PWWP2A: variants seen among roughly 807,000 people sequenced by gnomAD.
The protein encoded by PWWP2A is PWWP domain-containing protein 2A.
Under a neutral mutation model 48.5 loss-of-function variants are expected in PWWP2A, and 18 were observed. The ratio of observed to expected loss-of-function variants is 0.37; its 90% confidence interval spans 0.26 to 0.55. The LOEUF (loss-of-function observed/expected upper bound fraction) is 0.55, where lower values mean the gene tolerates loss of function less well. Ranked by LOEUF, PWWP2A falls within the 20% of genes least tolerant of loss-of-function variation. PWWP2A has a pLI of 0.81. For synonymous variants in PWWP2A, 396 were observed against 387.7 expected, an observed-to-expected ratio of 1.02 and a Z score of -0.25; for missense variants, 867 against 976.4, an observed-to-expected ratio of 0.89 and a Z score of 1.49.
the PWWP2A span, chr5:160,049,443 G>T: frequency 7.5e-7 from 1 of 1,324,920 alleles, no homozygotes. Context: ...ATTGATGAAG[G>T]AATCTGATAT....
intron 3 of PWWP2A, chr5:160,080,644 G>T: frequency 6.5e-7 from 1 of 1,535,178 alleles, no homozygotes; most frequent in South Asian, 1.2e-5. Flanking sequence ...GCTTAAAACA[G>T]ACAGACCTGC....
At chr5:160,100,265 T>C (rs1756133422) in intron 1 of PWWP2A, among the ~76,000 whole-genome samples, 1 of 151,958 alleles carries the variant, frequency 6.6e-6, no homozygotes, top group Non-Finnish European at 1.5e-5. Context: ...ATCGCACCAC[T>C]GCACGCACTC....
At chr5:160,098,802 T>C (rs978376779) in intron 1 of PWWP2A, among the ~76,000 whole-genome samples, 9 of 152,174 alleles carry the variant, frequency 5.9e-5, no homozygotes, top group Admixed American at 5.9e-4. Context: ...ACCCCGTCTC[T>C]ACTAAAAATA....
At chr5:160,045,520 ACTCTCTCTCTCTCTCT>A in the PWWP2A span, among the ~76,000 whole-genome samples, 9 of 54,884 alleles carry the variant, frequency 1.6e-4, no homozygotes, top group African/African-American at 7.0e-4. Flanking sequence ...ACACATACAC[ACTCTCTCTCTCTCTCT>A]CTCTCTCTCT....
intron 1 of PWWP2A, among the ~76,000 whole-genome samples, chr5:160,097,715 G>T (rs1310596786): frequency 2.0e-5 from 3 of 146,524 alleles, no homozygotes; most frequent in Non-Finnish European, 4.5e-5. Flanking sequence ...TTGGGGGGGG[G>T]GGCGGTTGTT....
chr5:160,055,123 C>G, the PWWP2A span, among the ~76,000 whole-genome samples: 1 of 152,188 alleles, frequency 6.6e-6, no homozygotes, highest in Non-Finnish European at 1.5e-5. Context: ...GGTCTCCAAA[C>G]AAGCTTTGAT....
intron 2 of PWWP2A, among the ~76,000 whole-genome samples, chr5:160,084,794 T>G (rs372274722): frequency 1.3e-5 from 2 of 152,136 alleles, no homozygotes; most frequent in African/African-American, 4.8e-5. Flanking sequence ...TATATACTCC[T>G]AAGTATCCAT....
downstream of PWWP2A, among the ~76,000 whole-genome samples, chr5:160,060,559 T>C (rs1358414198): frequency 6.6e-6 from 1 of 152,182 alleles, no homozygotes; most frequent in African/African-American, 2.4e-5. Context: ...ACCTCATTGA[T>C]TACTGTCCAG....
Position 160,077,856 on chromosome 5 carries a change from G to C in PWWP2A, c.*299C>G, listed in dbSNP as rs1322133759. Reference sequence around the variant, plus strand: ...AACTTCACATTCCAAAGAAGTTACTGTCAGTGTTTCTTCATATATAAAATT... The same window carrying C: ...AACTTCACATTCCAAAGAAGTTACTCTCAGTGTTTCTTCATATATAAAATT... On this transcript the variant is annotated 3_prime_UTR_variant, in exon 4 of 4. Transcript: ENST00000456329. The surrounding 1 kb of genome is among the most constrained non-coding windows in gnomAD (Gnocchi z 4.2). The C allele has an allele frequency of 8.7e-6, 3 of 344,996 alleles. No individual in the cohort carries two copies. The highest frequency in any genetic ancestry group is 4.2e-5 in the Admixed American group (1 of 23,978). 21.4% of individuals were successfully genotyped at this position (344,996 alleles called of 1,614,324 possible).
chr5:160,104,220 T>C (rs965506057), intron 1 of PWWP2A, among the ~76,000 whole-genome samples: 2 of 148,562 alleles, frequency 1.3e-5, no homozygotes, highest in African/African-American at 5.0e-5. Context: ...CTTTAGGAGG[T>C]TGAGGCCAGG....
intron 1 of PWWP2A, chr5:160,118,059 A>T (rs1461253683): frequency 6.3e-6 from 1 of 159,486 alleles, no homozygotes; most frequent in Non-Finnish European, 1.3e-5. Flanking sequence ...GATGAACTCA[A>T]CCTTCTTGTC....
chr5:160,051,073 A>G, the PWWP2A span: 3 of 1,353,286 alleles, frequency 2.2e-6, no homozygotes, highest in South Asian at 2.6e-5. Flanking sequence ...AATAAAGGGA[A>G]AGGTTTTGGT....
At chr5:160,102,604 G>A (rs528518776) in intron 1 of PWWP2A, among the ~76,000 whole-genome samples, 1 of 151,656 alleles carries the variant, frequency 6.6e-6, no homozygotes, top group African/African-American at 2.4e-5. Context: ...AATATAGAGG[G>A]GAAAGTTTTA....
At chr5:160,107,786 AGGCCAGGAGTCCAAGAGCAGCGT>A (rs1357328719) in intron 1 of PWWP2A, among the ~76,000 whole-genome samples, 1 of 152,112 alleles carries the variant, frequency 6.6e-6, no homozygotes, top group Non-Finnish European at 1.5e-5. Flanking sequence ...TGGGAGGCCG[AGGCCAGGAGTCCAAGAGCAGCGT>A]GGCCAATATG....
At chr5:160,118,534 G>A (rs1363798380) in intron 1 of PWWP2A, among the ~76,000 whole-genome samples, 2 of 152,096 alleles carry the variant, frequency 1.3e-5, no homozygotes, top group Admixed American at 6.5e-5. Context: ...AGAAGACCAG[G>A]CGTGAGGGGT....
chr5:160,118,794 G>A lies in PWWP2A; in HGVS notation c.584+11C>T, dbSNP rs751026018. 7 of 1,439,704 alleles carry A rather than the reference G, an allele frequency of 4.9e-6. No individual in the cohort carries two copies. The highest frequency in any genetic ancestry group is 5.5e-5 in the Admixed American group (2 of 36,098). The allele number at this position is 1,439,704 out of a possible 1,614,324, so 89.2% of individuals were successfully genotyped here. A position where few individuals can be genotyped will look rare whatever the true frequency, so the allele number is the denominator to read the frequency against. ...CAGCGGACCGGAGGGTGCTGGGGGC[G>A]GGCGCGGTACCTTTTGGACAGATCC... On this transcript the variant is annotated intron_variant, in intron 1 of 1. Transcript: ENST00000307063.
chr5:160,104,456 A>G (rs1297309649), intron 1 of PWWP2A, among the ~76,000 whole-genome samples: 1 of 151,330 alleles, frequency 6.6e-6, no homozygotes, highest in Non-Finnish European at 1.5e-5. Context: ...ACAGAGAGAG[A>G]GGCTAGTGAA....
chr5:160,060,608 G>T (rs563802594), downstream of PWWP2A, among the ~76,000 whole-genome samples: 1 of 152,194 alleles, frequency 6.6e-6, no homozygotes, highest in Non-Finnish European at 1.5e-5. Context: ...GGAAAGTGTG[G>T]CAGATAGGCT....
chr5:160,101,349 CA>C (rs202098508), intron 1 of PWWP2A, among the ~76,000 whole-genome samples: 1 of 148,642 alleles, frequency 6.7e-6, no homozygotes, highest in African/African-American at 2.5e-5. Context: ...GACTCTGTCT[CA>C]AAAAAAAAGG....
Sources: gnomAD v4.1 joint callset for allele counts (sites outside exome capture counted in the v4.1 genomes callset) on GRCh38, gnomAD v4.1.1 for gene constraint, Gnocchi (gnomAD v3.1) non-coding constraint, MANE v1.5 for transcripts, NCBI Gene and HGNC (gene_info 2026-07-23, HGNC 2026-07-21) for gene names.